The following TBX2 variants were observed in gnomAD, a reference collection of about 807,000 sequenced individuals.
TBX2 encodes the protein T-box transcription factor TBX2.
A neutral mutation model predicts 48.4 loss-of-function variants in TBX2; 19 were observed. That is an observed-to-expected ratio of 0.39 (90% CI 0.27 to 0.58). The LOEUF is 0.58. TBX2 is among the 20% of genes least tolerant of loss of function. TBX2 has a pLI of 0.54. For missense variants in TBX2, 994 were observed against 1,006.5 expected, an observed-to-expected ratio of 0.99 and a Z score of 0.17; for synonymous variants, 522 against 459.7, an observed-to-expected ratio of 1.14 and a Z score of -1.73.
rs2060288583 is a variant in TBX2, at chr17:61,406,254, GAAAGGCT to G, written c.1686+421_1686+427del. On this transcript the variant is annotated intron_variant, in intron 6 of 6. Transcript: ENST00000240328. The surrounding 1 kb of genome is among the most constrained non-coding windows in gnomAD (Gnocchi z 5.7). The stretch of plus-strand genomic sequence containing the variant: ...AGACCCTTGGCTCCCTGTCCATTCT[GAAAGGCT>G]AAGGTGGCCAGACAGACAAAGGGAG... 5.8e-6 allele frequency: 1 copy of G among 171,284 alleles called. No homozygotes were observed. Among genetic ancestry groups the G allele is most frequent in the Non-Finnish European group, 1.2e-5 (1 of 81,248 alleles). The allele number at this position is 171,284 out of a possible 1,614,324, so 10.6% of individuals were successfully genotyped here. A position where few individuals can be genotyped will look rare whatever the true frequency, so the allele number is the denominator to read the frequency against.
In TBX2 at chr17:61,400,279, C is replaced by T; in HGVS notation, c.103C>T (p.Pro35Ser). Reference protein sequence around the residue: ...PMSAFLAAAQPSFFPALALPP... With the variant: ...PMSAFLAAAQSSFFPALALPP... ...GTCCGCCTTTCTGGCGGCGGCGCAG[C>T]CCTCCTTCTTCCCGGCACTCGCGCT... The change falls in exon 1 of 7, where the codon CCC becomes TCC. Residue 35 changes from proline (P) to serine (S), a missense_variant. By Grantham distance (74) the Pro-to-Ser change is moderately conservative. Coordinates refer to ENST00000240328, the MANE Select transcript of TBX2 (RefSeq NM_005994.4). The surrounding 1 kb of genome is among the most constrained non-coding windows in gnomAD (Gnocchi z 9.2). The T allele has an allele frequency of 8.5e-7, 1 of 1,176,130 alleles. No individual in the cohort carries two copies. The highest frequency in any genetic ancestry group is 1.1e-6 in the Non-Finnish European group (1 of 930,878). 72.9% of individuals were successfully genotyped at this position (1,176,130 alleles called of 1,614,324 possible).
Position 61,405,386 on chromosome 17 carries a change from C to T in TBX2, c.1236C>T (p.Gly412=). The T allele has an allele frequency of 6.5e-7, 1 of 1,528,818 alleles. No individual in the cohort carries two copies. Among genetic ancestry groups the T allele is most frequent in the Non-Finnish European group, 8.8e-7 (1 of 1,141,922 alleles). The allele number at this position is 1,528,818 out of a possible 1,614,324, so 94.7% of individuals were successfully genotyped here. A position where few individuals can be genotyped will look rare whatever the true frequency, so the allele number is the denominator to read the frequency against. The change falls in exon 6 of 7, where the codon GGC becomes GGT. Residue 412 remains glycine (G), a synonymous_variant. Coordinates refer to ENST00000240328, the MANE Select transcript of TBX2 (RefSeq NM_005994.4). The part of the protein sequence containing the change: ...PERGKEPAES[G]GDGPFGLRSL... ...GGGGCAAGGAGCCGGCCGAGAGCGG[C>T]GGGGACGGCCCGTTCGGCCTGAGGA...
chr17:61,402,886 G>A (rs1184351078), intron 2 of TBX2, among the ~76,000 whole-genome samples, 175 bp from the exon 3 acceptor site: 2 of 149,868 alleles, frequency 1.3e-5, no homozygotes, highest in Non-Finnish European at 2.9e-5. Flanking sequence ...ATAAGGGTGA[G>A]AAAAGAGCAG....
chr17:61,408,305 C>T lies in TBX2; in HGVS notation c.1938C>T (p.Ser646=). ...CCACCGGGCTGGCCTCTGAGGGCTC[C>T]AAGGCCGCTGGTGGAAACAGCCGGG... is the stretch of plus-strand genomic sequence containing the variant. ...LLTTGLASEG[S]KAAGGNSREP... The change falls in exon 7 of 7, where the codon TCC becomes TCT. Residue 646 remains serine (S), a synonymous_variant. Transcript: ENST00000240328. The T allele has an allele frequency of 1.9e-6, 3 of 1,612,046 alleles. No individual in the cohort carries two copies. The highest frequency in any genetic ancestry group is 2.5e-6 in the Non-Finnish European group (3 of 1,179,662).
At chr17:61,405,981 C>A in intron 6 of TBX2, 145 bp downstream of exon 6, 1 of 797,368 alleles carries the variant, frequency 1.3e-6, no homozygotes, top group Non-Finnish European at 1.7e-6. Context: ...CCCCGGGATG[C>A]CCTTTAGGAC....
chr17:61,407,656 G>A (rs8074151), intron 6 of TBX2: 101,719 of 177,854 alleles, frequency 0.57, 32,548 homozygotes, highest in Non-Finnish European at 0.72. Flanking sequence ...GAGGGGTGGC[G>A]AGGACACTGT....
Position 61,405,548 on chromosome 17 carries a change from C to T in TBX2, c.1398C>T (p.Pro466=), listed in dbSNP as rs759647899. The T allele has an allele frequency of 1.3e-5, 20 of 1,594,050 alleles. No homozygotes were observed. The highest frequency in any genetic ancestry group is 6.8e-5 in the South Asian group (6 of 88,418). The change falls in exon 6 of 7, where the codon CCC becomes CCT. Residue 466 remains proline, a synonymous_variant. Transcript: ENST00000240328. ...SASPLGAGHL[P]GLAFSSHLHG... is the part of the protein sequence containing the mutation. The stretch of plus-strand genomic sequence containing the variant: ...CCCCCCTGGGCGCCGGACACCTGCC[C>T]GGCCTGGCCTTTTCCAGCCACTTGC...
intron 5 of TBX2, 83 bp downstream of exon 5, chr17:61,404,852 C>T (rs1270391302): frequency 4.6e-6 from 7 of 1,511,056 alleles, no homozygotes; most frequent in East Asian, 2.5e-5. Flanking sequence ...CTGAGCCACC[C>T]GCTAACCTGA....
chr17:61,402,930 T>TAGAGAG (rs1555876930), intron 2 of TBX2, 131 bp from the exon 3 acceptor site: 4,098 of 170,400 alleles, frequency 0.024, 13 homozygotes, highest in Non-Finnish European at 0.036. Context: ...GAAGAACCGA[T>TAGAGAG]AGAGAGAGAG....
In TBX2 at chr17:61,408,461, GGA is replaced by G; in HGVS notation, c.2098_2099del (p.Ser700ProfsTer41). On this transcript the variant is annotated frameshift_variant, in exon 7 of 7. Coordinates refer to ENST00000240328, the MANE Select transcript of TBX2 (RefSeq NM_005994.4). LOFTEE classifies it high-confidence loss of function. Reference protein sequence around the residue: ...QSIQRLVSGLESQRALSPGRE... With the variant: ...QSIQRLVSGLXSQRALSPGRE... ...GCATCCAGAGACTGGTGAGTGGGCT[GGA>G]GAGCCAGCGAGCCCTCTCCCCAGGC... 6.8e-7 allele frequency: 1 copy of G among 1,466,752 alleles called. No individual in the cohort carries two copies. Among genetic ancestry groups the G allele is most frequent in the Non-Finnish European group, 9.0e-7 (1 of 1,105,668 alleles). 90.9% of individuals were successfully genotyped at this position (1,466,752 alleles called of 1,614,324 possible).
In TBX2 at chr17:61,400,421, C is replaced by T. The variant is rs762368697; in HGVS notation, c.245C>T (p.Pro82Leu). Residue 82 changes from proline (P) to leucine (L), a missense_variant, in exon 1 of 7, where the codon CCG becomes CTG. Physicochemically the swap from Pro to Leu is moderately conservative, Grantham distance 98. Around this residue, in one of 5 missense-constraint regions of TBX2, gnomAD observed 165 missense variants for 136.8 expected, o/e 1.21. Coordinates refer to ENST00000240328, the MANE Select transcript of TBX2 (RefSeq NM_005994.4). This position sits in a 1 kb window ranked among gnomAD's most constrained non-coding sequence, Gnocchi z 9.2. ...EAGLHVSALGPHPPAAHLRSL... is the reference protein window; with the variant it reads ...EAGLHVSALGLHPPAAHLRSL... ...GGGCTGCACGTCTCGGCACTGGGCC[C>T]GCACCCGCCCGCCGCGCATCTGCGC... The T allele has an allele frequency of 6.7e-5, 104 of 1,547,926 alleles. No individual in the cohort carries two copies. Among genetic ancestry groups the T allele is most frequent in the Non-Finnish European group, 1.1e-5 (13 of 1,149,190 alleles).
rs929854834 is a variant in TBX2, at chr17:61,400,140, C to T, written c.-37C>T. ...GGTCCGAGCCGCGCGCCCCCGGCCC[C>T]GGCCCCGGCCCCCGGGCGCCTGGGC... On this transcript the variant is annotated 5_prime_UTR_variant, in exon 1 of 7. Coordinates refer to ENST00000240328, the MANE Select transcript of TBX2 (RefSeq NM_005994.4). The surrounding 1 kb of genome is among the most constrained non-coding windows in gnomAD (Gnocchi z 9.2). 22 of 984,026 alleles carry T rather than the reference C, an allele frequency of 2.2e-5. No individual in the cohort carries two copies. The highest frequency in any genetic ancestry group is 2.5e-5 in the Non-Finnish European group (21 of 828,754). 61.0% of individuals were successfully genotyped at this position (984,026 alleles called of 1,614,324 possible).
At chr17:61,404,802 TGG>T (rs1230316555) in intron 5 of TBX2, 33 bp downstream of exon 5, 28 of 1,462,402 alleles carry the variant, frequency 1.9e-5, no homozygotes, top group Middle Eastern at 1.9e-4. Context: ...GACAGGGAGG[TGG>T]CGGCGGGGGG....
Position 61,405,686 on chromosome 17 carries a change from G to T in TBX2, c.1536G>T (p.Leu512=). The change falls in exon 6 of 7, where the codon CTG becomes CTT. Residue 512 remains leucine (L), a synonymous_variant. Transcript: ENST00000240328. Reference sequence around the variant, plus strand: ...CCGCCATGGGCATGGGTCACCTACTGGCCTCGGTGGCAGGCGGCGGCAACG... The same window carrying T: ...CCGCCATGGGCATGGGTCACCTACTTGCCTCGGTGGCAGGCGGCGGCAACG... ...AFSAMGMGHL[L]ASVAGGGNGG... is the part of the protein sequence containing the mutation. The T allele has an allele frequency of 7.2e-7, 1 of 1,392,932 alleles. No individual in the cohort carries two copies. The highest frequency in any genetic ancestry group is 9.3e-7 in the Non-Finnish European group (1 of 1,078,580). The allele number at this position is 1,392,932 out of a possible 1,614,324, so 86.3% of individuals were successfully genotyped here. A position where few individuals can be genotyped will look rare whatever the true frequency, so the allele number is the denominator to read the frequency against.
intron 2 of TBX2, 85 bp from the exon 3 acceptor site, chr17:61,402,959 AGAGAGAGAGAGAAAGTG>A: frequency 5.8e-6 from 1 of 172,142 alleles, no homozygotes; most frequent in Non-Finnish European, 9.8e-6. Flanking sequence ...AGAGAGAGAG[AGAGAGAGAGAGAAAGTG>A]GAGAGGAAGA....
chr17:61,400,561 A>G lies in TBX2; in HGVS notation c.385A>G (p.Lys129Glu). 6.4e-7 allele frequency: 1 copy of G among 1,558,506 alleles called. No homozygotes were observed. The highest frequency in any genetic ancestry group is 8.7e-7 in the Non-Finnish European group (1 of 1,151,298). The change falls in exon 1 of 7, where the codon AAG (lysine) becomes GAG (glutamate). Residue 129 changes from lysine (K) to glutamate (E), a missense_variant. Physicochemically the swap from Lys to Glu is moderately conservative, Grantham distance 56. This residue lies in a region of TBX2 where 23 missense variants were observed against 46.9 expected (regional missense o/e 0.49). Transcript: ENST00000240328. This position sits in a 1 kb window ranked among gnomAD's most constrained non-coding sequence, Gnocchi z 9.2. ...GCTAGGCACGGAGATGGTCATCACC[A>G]AGTCCGGGAGGTAGGGCTGCCGGCC... ...HKLGTEMVITKSGRRMFPPFK... is the reference protein window; with the variant it reads ...HKLGTEMVITESGRRMFPPFK...
chr17:61,401,649 TTCC>T (rs767970685), intron 1 of TBX2, 32 bp from the exon 2 acceptor site: 2 of 1,592,974 alleles, frequency 1.3e-6, no homozygotes, highest in Non-Finnish European at 1.7e-6. Context: ...GAACAGCCGG[TTCC>T]AATGGGATCT....
rs1417358712 is a variant in TBX2, at chr17:61,401,839, A to G, written c.551A>G (p.Lys184Arg). 1.9e-6 allele frequency: 3 copies of G among 1,612,946 alleles called. No homozygotes were observed. The African/African-American group carries it at 4.0e-5, about 22-fold the overall frequency. ...GGCAAGGCCGACCCTGAGATGCCCAAACGCATGTACATCCACCCAGACAGC... is the reference window on the plus strand; with the variant it reads ...GGCAAGGCCGACCCTGAGATGCCCAGACGCATGTACATCCACCCAGACAGC... ...VAGKADPEMP[K>R]RMYIHPDSPA... The change falls in exon 2 of 7, where the codon AAA becomes AGA. Residue 184 changes from lysine to arginine, a missense_variant. Lys to Arg is a conservative substitution (Grantham distance 26, BLOSUM62 2). Around this residue, in one of 5 missense-constraint regions of TBX2, gnomAD observed 153 missense variants for 166.2 expected, o/e 0.92. Transcript: ENST00000240328.
At position 61,405,730 on chromosome 17, in the gene TBX2, G is replaced by T. The variant is rs1467101516; in HGVS notation, c.1580G>T (p.Gly527Val). The T allele has an allele frequency of 9.5e-6, 13 of 1,368,964 alleles. No individual in the cohort carries two copies. The South Asian group carries it at 2.2e-4, about 24-fold the overall frequency. 84.8% of individuals were successfully genotyped at this position (1,368,964 alleles called of 1,614,324 possible). A position where few individuals can be genotyped will look rare whatever the true frequency, so the allele number is the denominator to read the frequency against. ...GGCAACGGCGGAGGTGGCGGGCCTG[G>T]GACCGCCGCGGGGCTGGACGCAGGC... ...GGGNGGGGGP[G>V]TAAGLDAGGL... is the part of the protein sequence containing the mutation. Residue 527 changes from glycine to valine, a missense_variant, in exon 6 of 7, where the codon GGG becomes GTG. By Grantham distance (109) the Gly-to-Val change is moderately radical (BLOSUM62 -3). Transcript: ENST00000240328.
Sources: gnomAD v4.1 joint callset for allele counts (sites outside exome capture counted in the v4.1 genomes callset) on GRCh38, gnomAD v4.1.1 for gene constraint, gnomAD v4.1.1 regional missense constraint, Gnocchi (gnomAD v3.1) non-coding constraint, MANE v1.5 for transcripts, NCBI Gene and HGNC (gene_info 2026-07-23, HGNC 2026-07-21) for gene names.